Variants in ENTPD1 observed in about 807,000 individuals in gnomAD.
ENTPD1 encodes the protein ectonucleoside triphosphate diphosphohydrolase 1.
In ENTPD1, 33 loss-of-function variants were observed where a neutral mutation model predicts 57.0. The observed-to-expected ratio is 0.58, with a 90% CI of 0.44 to 0.77. The LOEUF (loss-of-function observed/expected upper bound fraction) is 0.77. ENTPD1 is among the 30% of genes least tolerant of loss of function. The pLI is 0.00. For missense variants in ENTPD1, 501 were observed against 603.4 expected, an observed-to-expected ratio of 0.83 and a Z score of 1.78; for synonymous variants, 202 against 218.8, an observed-to-expected ratio of 0.92 and a Z score of 0.68.
intron 1 of ENTPD1, among the ~76,000 whole-genome samples, chr10:95,716,853 A>G (rs959630549): frequency 6.6e-6 from 1 of 152,244 alleles, no homozygotes; most frequent in African/African-American, 2.4e-5. Context: ...AGCGTGACAG[A>G]TGGCAAGCTT....
rs1418616347 is a variant in ENTPD1 at position 95,869,037 on chromosome 10, T to G, written c.*2654T>G. ...CTGGGTGGGGTAGGTGAAATAAGAT[T>G]GGTCACTGTTAACTAATTTTAATAT... On this transcript the variant is annotated 3_prime_UTR_variant, in exon 10 of 10. Transcript: ENST00000371205. The G allele has an allele frequency of 2.0e-6, 2 of 985,204 alleles. No individual in the cohort carries two copies. The highest frequency in any genetic ancestry group is 1.2e-6 in the Non-Finnish European group (1 of 829,932). 61.0% of individuals were successfully genotyped at this position (985,204 alleles called of 1,614,324 possible). A position where few individuals can be genotyped will look rare whatever the true frequency, so the allele number is the denominator to read the frequency against.
At chr10:95,776,232 A>T (rs2140140420) in intron 1 of ENTPD1, among the ~76,000 whole-genome samples, 1 of 152,300 alleles carries the variant, frequency 6.6e-6, no homozygotes, top group South Asian at 2.1e-4. Context: ...TCTTCCTAGC[A>T]TCGACAGTCT....
chr10:95,868,138 T>C lies in ENTPD1; in HGVS notation c.*1755T>C, dbSNP rs1260787965. The C allele has an allele frequency of 3.0e-6, 3 of 984,890 alleles. No homozygotes were observed. The highest frequency in any genetic ancestry group is 1.2e-4 in the Admixed American group (2 of 16,286). The allele number at this position is 984,890 out of a possible 1,614,324, so 61.0% of individuals were successfully genotyped here. A position where few individuals can be genotyped will look rare whatever the true frequency, so the allele number is the denominator to read the frequency against. Reference sequence around the variant, plus strand: ...ATCTGAAGAAGGTAGGTATTACAATTCCCACTTCATAGAAACAGAAACTGA... The same window carrying C: ...ATCTGAAGAAGGTAGGTATTACAATCCCCACTTCATAGAAACAGAAACTGA... On this transcript the variant is annotated 3_prime_UTR_variant, in exon 10 of 10. Coordinates refer to ENST00000371205, the MANE Select transcript of ENTPD1 (RefSeq NM_001776.6).
In ENTPD1 at chr10:95,839,765, T is replaced by A. The variant is rs2098418643; in HGVS notation, c.219T>A (p.Asn73Lys). 6.2e-7 allele frequency: 1 copy of A among 1,613,994 alleles called. No individual in the cohort carries two copies. Among genetic ancestry groups the A allele is most frequent in the Admixed American group, 1.7e-5 (1 of 59,998 alleles). Reference protein sequence around the residue: ...YIYKWPAEKENDTGVVHQVEE... With the variant: ...YIYKWPAEKEKDTGVVHQVEE... ...ATAAGTGGCCAGCAGAAAAGGAGAATGACACAGGCGTGGTGCATCAAGTAG... is the reference window on the plus strand; with the variant it reads ...ATAAGTGGCCAGCAGAAAAGGAGAAAGACACAGGCGTGGTGCATCAAGTAG... Residue 73 changes from asparagine (N) to lysine (K), a missense_variant, in exon 3 of 10, where the codon AAT (asparagine) becomes AAA (lysine). Asn to Lys is a moderately conservative substitution (Grantham distance 94, BLOSUM62 0). Transcript: ENST00000371205.
chr10:95,831,038 G>A (rs536754848), intron 2 of ENTPD1, among the ~76,000 whole-genome samples: 2 of 152,314 alleles, frequency 1.3e-5, no homozygotes, highest in East Asian at 1.9e-4. Flanking sequence ...GGCATTGTCT[G>A]TGGGGTAAGG....
rs540999597 is a variant in ENTPD1 at position 95,866,818 on chromosome 10, C to T, written c.*435C>T. 89 of 1,047,036 alleles carry T rather than the reference C, an allele frequency of 8.5e-5. 1 individual carries two copies. The South Asian group carries it at 2.6e-3, about 31-fold the overall frequency. The allele number at this position is 1,047,036 out of a possible 1,614,324, so 64.9% of individuals were successfully genotyped here. A position where few individuals can be genotyped will look rare whatever the true frequency, so the allele number is the denominator to read the frequency against. Reference sequence around the variant, plus strand: ...AGAACCCCTTTCTCTCTCCTGTTTGCCATCCATTAAGAAAGCCATATGATG... The same window carrying T: ...AGAACCCCTTTCTCTCTCCTGTTTGTCATCCATTAAGAAAGCCATATGATG... On this transcript the variant is annotated 3_prime_UTR_variant, in exon 10 of 10. Coordinates refer to ENST00000371205, the MANE Select transcript of ENTPD1 (RefSeq NM_001776.6).
intron 1 of ENTPD1, among the ~76,000 whole-genome samples, chr10:95,739,544 A>G (rs1187015127): frequency 6.6e-6 from 1 of 152,208 alleles, no homozygotes; most frequent in Non-Finnish European, 1.5e-5. Flanking sequence ...GTATCATGAG[A>G]TGTAGCAACT....
upstream of ENTPD1, among the ~76,000 whole-genome samples, chr10:95,752,238 A>T (rs914532400): frequency 1.3e-5 from 2 of 152,208 alleles, no homozygotes; most frequent in Non-Finnish European, 1.5e-5. Flanking sequence ...GAGTAAATGA[A>T]TGAGGAGAGA....
chr10:95,711,866 TC>T, exon 1 of ENTPD1: 1 of 1,588,506 alleles, frequency 6.3e-7, no homozygotes, highest in Non-Finnish European at 8.6e-7. Flanking sequence ...CAGTGAAACT[TC>T]AGAGGGCAAA....
Position 95,872,597 on chromosome 10 carries a change from G to A in ENTPD1, c.*6214G>A. The A allele has an allele frequency of 1.0e-6, 1 of 985,410 alleles. No individual in the cohort carries two copies. Among genetic ancestry groups the A allele is most frequent in the Non-Finnish European group, 1.2e-6 (1 of 829,938 alleles). The allele number at this position is 985,410 out of a possible 1,614,324, so 61.0% of individuals were successfully genotyped here. Reference sequence around the variant, plus strand: ...TCCATTAGTGCACTGAGACCATTCTGTTCAGTGTCTGGGTGAAGCTTCCTG... The same window carrying A: ...TCCATTAGTGCACTGAGACCATTCTATTCAGTGTCTGGGTGAAGCTTCCTG... On this transcript the variant is annotated 3_prime_UTR_variant, in exon 10 of 10. Coordinates refer to ENST00000371205, the MANE Select transcript of ENTPD1 (RefSeq NM_001776.6).
chr10:95,774,741 G>A (rs1310460943), intron 1 of ENTPD1, among the ~76,000 whole-genome samples: 3 of 152,192 alleles, frequency 2.0e-5, no homozygotes, highest in African/African-American at 7.2e-5. Flanking sequence ...TAGCCTTGTA[G>A]TATAGTTTGA....
intron 7 of ENTPD1, among the ~76,000 whole-genome samples, chr10:95,856,012 G>C (rs757826447): frequency 6.6e-6 from 1 of 152,138 alleles, no homozygotes; most frequent in African/African-American, 2.4e-5. Context: ...AGTTCTCCTG[G>C]ATAATATCCC....
rs555314575 is a variant in ENTPD1 at position 95,806,980 on chromosome 10, G to C, written c.17-16257G>C. Among the ~76,000 whole-genome samples, 131 of 152,346 alleles carry C rather than the reference G, an allele frequency of 8.6e-4. 1 individual carries two copies. The highest frequency in any genetic ancestry group is 1.6e-3 in the Non-Finnish European group (112 of 68,024). ...ACATGGGGGTCAGGGACCCACTTGA[G>C]GGGGCAATCTGTCCGTTTTCAGAGC... is the stretch of plus-strand genomic sequence containing the variant. On this transcript the variant is annotated intron_variant, in intron 1 of 9. Coordinates refer to ENST00000371205, the MANE Select transcript of ENTPD1 (RefSeq NM_001776.6).
At chr10:95,815,831 A>G (rs1441501330) in intron 1 of ENTPD1, among the ~76,000 whole-genome samples, 1 of 152,220 alleles carries the variant, frequency 6.6e-6, no homozygotes, top group Non-Finnish European at 1.5e-5. Flanking sequence ...ACAGGAAAGA[A>G]AGGAGAGAAC....
Position 95,867,591 on chromosome 10 carries a change from G to T in ENTPD1, c.*1208G>T. ...TCCAAGTCTGAAAGTGTTGCCACCC[G>T]TCACACAACATGGGCTTTGTTTGCT... On this transcript the variant is annotated 3_prime_UTR_variant, in exon 10 of 10. Transcript: ENST00000371205. 1 of 985,404 alleles carries T rather than the reference G, an allele frequency of 1.0e-6. No individual in the cohort carries two copies. The highest frequency in any genetic ancestry group is 1.2e-6 in the Non-Finnish European group (1 of 829,952). The allele number at this position is 985,404 out of a possible 1,614,324, so 61.0% of individuals were successfully genotyped here.
chr10:95,698,465 G>T, the ENTPD1 span, among the ~76,000 whole-genome samples: 19 of 152,224 alleles, frequency 1.2e-4, no homozygotes, highest in Admixed American at 2.6e-4. Flanking sequence ...CAAGGGTGCA[G>T]CCCAGTGACT....
At chr10:95,721,600 G>A (rs1027238516) in intron 1 of ENTPD1, among the ~76,000 whole-genome samples, 18 of 151,868 alleles carry the variant, frequency 1.2e-4, no homozygotes, top group African/African-American at 4.3e-4. Context: ...GTCTGACAGG[G>A]AAAAAGGTAC....
intron 2 of ENTPD1, among the ~76,000 whole-genome samples, chr10:95,839,112 T>C (rs936776358): frequency 2.6e-5 from 4 of 152,240 alleles, no homozygotes; most frequent in South Asian, 2.1e-4. Context: ...TAGATGAACA[T>C]ATTTATTACG....
the ENTPD1 span, among the ~76,000 whole-genome samples, chr10:95,701,478 A>G: frequency 2.0e-5 from 3 of 152,226 alleles, no homozygotes; most frequent in Non-Finnish European, 2.9e-5. Flanking sequence ...AGGTAAATCC[A>G]CCATCAGAGT....
Sources: allele counts gnomAD v4.1 joint callset (sites outside exome capture counted in the v4.1 genomes callset), GRCh38; gene constraint gnomAD v4.1.1; transcripts MANE v1.5; gene names NCBI Gene and HGNC (gene_info 2026-07-23, HGNC 2026-07-21).